Variants in FARSB observed in about 807,000 individuals in gnomAD.
The protein encoded by FARSB is phenylalanine--tRNA ligase beta subunit.
Under a neutral mutation model 69.6 loss-of-function variants are expected in FARSB, and 40 were observed. The ratio of observed to expected loss-of-function variants is 0.57; its 90% confidence interval spans 0.45 to 0.75. FARSB has a LOEUF of 0.75. Ranked by LOEUF, FARSB falls within the 30% of genes least tolerant of loss-of-function variation. The probability of loss-of-function intolerance (pLI) is 0.00; values close to 1 mark genes in which losing one functional copy is unlikely to be tolerated. For synonymous variants in FARSB, 235 were observed against 247.2 expected (o/e 0.95, Z 0.46); for missense variants, 632 against 722.9 (o/e 0.87, Z 1.44).
At chr2:222,627,058 GAAA>G (rs1691296010) in intron 10 of FARSB, among the ~76,000 whole-genome samples, 1 of 151,966 alleles carries the variant, frequency 6.6e-6, no homozygotes, top group South Asian at 2.1e-4. Context: ...AGAAGAAGAA[GAAA>G]AAGAAACTTT....
intron 2 of FARSB, among the ~76,000 whole-genome samples, chr2:222,647,987 G>C (rs1574955824): frequency 6.6e-6 from 1 of 152,262 alleles, no homozygotes; most frequent in Middle Eastern, 3.4e-3. Flanking sequence ...TAAGTTCCCA[G>C]ATGATGCTGC....
chr2:222,635,695 A>C (rs1424678937), intron 5 of FARSB, among the ~76,000 whole-genome samples: 1 of 152,244 alleles, frequency 6.6e-6, no homozygotes, highest in Non-Finnish European at 1.5e-5. Context: ...AAAAAAACGT[A>C]ACTCCAGATG....
chr2:222,641,985 ATATT>A (rs1296708249), intron 3 of FARSB, among the ~76,000 whole-genome samples: 2 of 145,620 alleles, frequency 1.4e-5, no homozygotes, highest in Admixed American at 1.4e-4. Flanking sequence ...TTCACTGTAT[ATATT>A]TGTTATCCTC....
intron 5 of FARSB, among the ~76,000 whole-genome samples, chr2:222,636,248 T>C (rs1459313170): frequency 6.6e-6 from 1 of 151,474 alleles, no homozygotes; most frequent in Non-Finnish European, 1.5e-5. Context: ...CTACTAAAAA[T>C]ACAAAAAATT....
chr2:222,630,420 C>T (rs1318794738), intron 8 of FARSB, among the ~76,000 whole-genome samples: 3 of 152,156 alleles, frequency 2.0e-5, no homozygotes, highest in Admixed American at 6.6e-5. Context: ...CCCCAACCCC[C>T]AACCTCAGGT....
chr2:222,620,757 A>G (rs1233136873), intron 13 of FARSB, among the ~76,000 whole-genome samples: 1 of 152,242 alleles, frequency 6.6e-6, no homozygotes, highest in Non-Finnish European at 1.5e-5. Context: ...CTATTGTCCA[A>G]TGTTAGGCAA....
intron 13 of FARSB, among the ~76,000 whole-genome samples, chr2:222,622,363 AG>A (rs1691159317): frequency 6.6e-6 from 1 of 152,190 alleles, no homozygotes; most frequent in Non-Finnish European, 1.5e-5. Flanking sequence ...CTAATATAAA[AG>A]GGCAGGGAAA....
intron 14 of FARSB, among the ~76,000 whole-genome samples, chr2:222,615,049 A>C (rs1433622864): frequency 6.6e-6 from 1 of 152,226 alleles, no homozygotes; most frequent in Non-Finnish European, 1.5e-5. Context: ...AAGCATGTAC[A>C]GTCATTTCAT....
intron 16 of FARSB, among the ~76,000 whole-genome samples, chr2:222,575,723 C>A (rs527529924): frequency 3.9e-5 from 6 of 152,274 alleles, no homozygotes; most frequent in Admixed American, 6.5e-5. Context: ...AAAAAGAATT[C>A]AATTTCCAAA....
intron 5 of FARSB, among the ~76,000 whole-genome samples, chr2:222,636,860 A>G (rs1691593933): frequency 6.6e-6 from 1 of 152,242 alleles, no homozygotes; most frequent in South Asian, 2.1e-4. Context: ...AAGGCAATGG[A>G]CATGAGAAGA....
chr2:222,617,382 A>G (rs1385280285), intron 14 of FARSB, among the ~76,000 whole-genome samples: 2 of 152,232 alleles, frequency 1.3e-5, no homozygotes, highest in African/African-American at 4.8e-5. Flanking sequence ...CCTGAAGAAC[A>G]TAACAGTTAC....
At chr2:222,625,081 A>G (rs567106246) in intron 10 of FARSB, among the ~76,000 whole-genome samples, 219 of 152,376 alleles carry the variant, frequency 1.4e-3, no homozygotes, top group Middle Eastern at 6.8e-3. Flanking sequence ...GTTGTGCTAC[A>G]TCATTCCAAA....
chr2:222,640,900 G>T lies in FARSB; in HGVS notation c.301C>A (p.Pro101Thr). Reference sequence around the variant, plus strand: ...ATCAATTTCTGGATTTTTCCATCAGGCATTACCCGTTTATACACTGGAGCC... The same window carrying T: ...ATCAATTTCTGGATTTTTCCATCAGTCATTACCCGTTTATACACTGGAGCC... Reference protein sequence around the residue: ...IKAPVYKRVMPDGKIQKLIIT... With the variant: ...IKAPVYKRVMTDGKIQKLIIT... The change falls in exon 4 of 17, where the codon CCT becomes ACT. Residue 101 changes from proline (P) to threonine (T), a missense_variant. Physicochemically the swap from Pro to Thr is conservative, Grantham distance 38. Coordinates refer to ENST00000281828, the MANE Select transcript of FARSB (RefSeq NM_005687.5). 1 of 1,549,888 alleles carries T rather than the reference G, an allele frequency of 6.5e-7. No individual in the cohort carries two copies. Among genetic ancestry groups the T allele is most frequent in the Non-Finnish European group, 8.8e-7 (1 of 1,132,316 alleles).
At chr2:222,640,994 T>G in intron 3 of FARSB, 63 bp from the exon 4 acceptor site, 3 of 844,964 alleles carry the variant, frequency 3.6e-6, no homozygotes, top group Non-Finnish European at 5.6e-6. Flanking sequence ...AATAATTACA[T>G]TCTATGCTGT....
At chr2:222,632,446 A>G (rs1414906446) in intron 7 of FARSB, among the ~76,000 whole-genome samples, 2 of 152,188 alleles carry the variant, frequency 1.3e-5, no homozygotes, top group African/African-American at 4.8e-5. Context: ...GTTCTTAACC[A>G]CTGTAACTAC....
chr2:222,584,633 C>T (rs1690060122), intron 16 of FARSB, among the ~76,000 whole-genome samples: 1 of 152,218 alleles, frequency 6.6e-6, no homozygotes, highest in Admixed American at 6.5e-5. Context: ...AATCAGGCCA[C>T]TCCCACCCTA....
At chr2:222,630,322 T>C (rs576482803) in intron 8 of FARSB, 148 bp from the exon 9 acceptor site, 2 of 518,550 alleles carry the variant, frequency 3.9e-6, no homozygotes, top group African/African-American at 2.0e-5. Context: ...AATAAAAACA[T>C]GAGTAGGCCT....
In FARSB at chr2:222,580,701, G is replaced by A. The variant is rs550617904; in HGVS notation, c.1619-8679C>T. On this transcript the variant is annotated intron_variant, in intron 16 of 16. Coordinates refer to ENST00000281828, the MANE Select transcript of FARSB (RefSeq NM_005687.5). Reference sequence around the variant, plus strand: ...CTGCCTTTAAAAAAAAATTCCACTGGTAGGAAAAAAAAATGCCCCAAATCA... The same window carrying A: ...CTGCCTTTAAAAAAAAATTCCACTGATAGGAAAAAAAAATGCCCCAAATCA... 2.0e-5 allele frequency among the ~76,000 whole-genome samples: 3 copies of A among 151,662 alleles called. 1 individual carries two copies. In the South Asian group the frequency reaches 6.2e-4, roughly 32 times the overall value.
intron 16 of FARSB, among the ~76,000 whole-genome samples, chr2:222,596,459 C>T (rs980058450): frequency 7.9e-5 from 12 of 152,122 alleles, no homozygotes; most frequent in African/African-American, 2.9e-4. Flanking sequence ...ACGTAACTGA[C>T]ATATGCAGGA....
Sources: allele counts gnomAD v4.1 joint callset (sites outside exome capture counted in the v4.1 genomes callset), GRCh38; gene constraint gnomAD v4.1.1; transcripts MANE v1.5; gene names NCBI Gene and HGNC (gene_info 2026-07-23, HGNC 2026-07-21).